TRPC4AP: variants seen among roughly 807,000 people sequenced by gnomAD.
The protein encoded by TRPC4AP is short transient receptor potential channel 4-associated protein.
Under a neutral mutation model 99.0 loss-of-function variants are expected in TRPC4AP, and 45 were observed. The observed-to-expected ratio is 0.45, with a 90% CI of 0.36 to 0.58. TRPC4AP has a LOEUF of 0.58. Among genes scored for constraint, TRPC4AP ranks in the 20% least tolerant of loss-of-function variants. The pLI, the probability that TRPC4AP is intolerant of heterozygous loss-of-function variation, is 0.00. For missense variants in TRPC4AP, 879 were observed against 985.3 expected (o/e 0.89, Z 1.44); for synonymous variants, 408 against 385.8 (o/e 1.06, Z -0.67).
At chr20:35,021,601 G>A (rs1013235270) in intron 8 of TRPC4AP, among the ~76,000 whole-genome samples, 6 of 152,192 alleles carry the variant, frequency 3.9e-5, no homozygotes, top group Admixed American at 2.0e-4. Flanking sequence ...AAAAATATTC[G>A]GACACAGCCA....
chr20:35,035,417 G>A (rs2083295932), intron 7 of TRPC4AP, 109 bp from the exon 8 acceptor site: 1 of 1,163,504 alleles, frequency 8.6e-7, no homozygotes, highest in Non-Finnish European at 1.2e-6. Context: ...TACTCTGATA[G>A]TAGCTAAAGC....
intron 15 of TRPC4AP, among the ~76,000 whole-genome samples, chr20:35,006,113 G>A (rs769742274): frequency 1.3e-5 from 2 of 152,008 alleles, no homozygotes; most frequent in African/African-American, 2.4e-5. Context: ...ACACACACTC[G>A]GTGAGCCTAA....
intron 7 of TRPC4AP, among the ~76,000 whole-genome samples, chr20:35,037,008 AGAT>A (rs1569108393): frequency 1.3e-5 from 2 of 151,756 alleles, no homozygotes; most frequent in African/African-American, 4.8e-5. Context: ...AGTGGCTATA[AGAT>A]GATGTTTGAC....
chr20:35,038,251 C>G (rs1000557283), intron 7 of TRPC4AP, among the ~76,000 whole-genome samples: 5 of 144,462 alleles, frequency 3.5e-5, no homozygotes, highest in African/African-American at 1.3e-4. Context: ...AATAATTACA[C>G]AGAAATAGAT....
chr20:35,030,680 T>C (rs1386661931), intron 8 of TRPC4AP, among the ~76,000 whole-genome samples: 2 of 152,260 alleles, frequency 1.3e-5, no homozygotes, highest in African/African-American at 4.8e-5. Flanking sequence ...GGTGTCATGA[T>C]ACTCCATTAC....
chr20:35,011,964 C>T (rs1217218387), intron 11 of TRPC4AP, among the ~76,000 whole-genome samples: 1 of 152,256 alleles, frequency 6.6e-6, no homozygotes, highest in Non-Finnish European at 1.5e-5. Context: ...GGATGAACAA[C>T]TGTCTCTGTT....
At chr20:35,008,447 C>G (rs913834415) in intron 13 of TRPC4AP, among the ~76,000 whole-genome samples, 1 of 152,200 alleles carries the variant, frequency 6.6e-6, no homozygotes, top group Non-Finnish European at 1.5e-5. Flanking sequence ...AGAACAGGTG[C>G]TTGGTGAATG....
chr20:35,087,480 C>T (rs186749006), intron 1 of TRPC4AP, among the ~76,000 whole-genome samples: 59 of 152,242 alleles, frequency 3.9e-4, no homozygotes, highest in African/African-American at 1.3e-3. Context: ...CCCAGTCTGT[C>T]ACCAGATTGC....
At position 35,053,267 on chromosome 20, in the gene TRPC4AP, C is replaced by T. The variant is rs2083747089; in HGVS notation, c.528+1709G>A. Among the ~76,000 whole-genome samples the T allele has an allele frequency of 2.6e-5, 4 of 152,186 alleles. No individual in the cohort carries two copies. The South Asian group carries it at 8.3e-4, about 32-fold the overall frequency. ...AATATTATAAACTAAGTCACCCTTA[C>T]TGATTTATCTAACACTAGGTCTTAT... On this transcript the variant is annotated intron_variant, in intron 5 of 18. Transcript: ENST00000252015.
At chr20:35,076,460 G>GT (rs1460524597) in intron 2 of TRPC4AP, among the ~76,000 whole-genome samples, 11 of 152,308 alleles carry the variant, frequency 7.2e-5, no homozygotes, top group Middle Eastern at 3.4e-3. Flanking sequence ...TGTCCTTTCT[G>GT]TTTGTTAGTT....
chr20:35,025,973 C>G lies in TRPC4AP; in HGVS notation c.1052-4617G>C, dbSNP rs1213152643. On this transcript the variant is annotated intron_variant, in intron 8 of 18. Coordinates refer to ENST00000252015, the MANE Select transcript of TRPC4AP (RefSeq NM_015638.3). Reference sequence around the variant, plus strand: ...ATATGACATAAGGCAGGGGATCTAACTTCATTCTTTCGCATGTGGACATCA... The same window carrying G: ...ATATGACATAAGGCAGGGGATCTAAGTTCATTCTTTCGCATGTGGACATCA... Among the ~76,000 whole-genome samples, 6 of 152,270 alleles carry G rather than the reference C, an allele frequency of 3.9e-5. No individual in the cohort carries two copies. In the East Asian group the frequency reaches 1.2e-3, roughly 29 times the overall value.
At chr20:35,060,506 G>A (rs541442895) in intron 3 of TRPC4AP, among the ~76,000 whole-genome samples, 12 of 146,472 alleles carry the variant, frequency 8.2e-5, no homozygotes, top group South Asian at 2.1e-4. Flanking sequence ...TAGGAGGCTC[G>A]CTTGAGCCCA....
At chr20:35,091,797 C>A (rs956092082) in intron 1 of TRPC4AP, among the ~76,000 whole-genome samples, 13 of 152,152 alleles carry the variant, frequency 8.5e-5, no homozygotes, top group African/African-American at 2.7e-4. Context: ...ACCAGAAATG[C>A]ACTAATGCTT....
At chr20:35,046,043 C>A (rs1309833103) in intron 6 of TRPC4AP, among the ~76,000 whole-genome samples, 1 of 152,192 alleles carries the variant, frequency 6.6e-6, no homozygotes, top group African/African-American at 2.4e-5. Context: ...AACATTCTTA[C>A]AGGTACTCTC....
At chr20:35,027,637 GC>G in intron 8 of TRPC4AP, among the ~76,000 whole-genome samples, 1 of 152,296 alleles carries the variant, frequency 6.6e-6, no homozygotes, top group Non-Finnish European at 1.5e-5. Context: ...AACCAGTGAA[GC>G]CATGTGGGCC....
At chr20:35,050,379 C>T (rs1323447702) in intron 5 of TRPC4AP, among the ~76,000 whole-genome samples, 1 of 81,244 alleles carries the variant, frequency 1.2e-5, no homozygotes, top group African/African-American at 5.3e-5. Context: ...TCACTTCTCA[C>T]CTTTGGAACT....
At chr20:35,060,585 CAAAA>C (rs35143678) in intron 3 of TRPC4AP, among the ~76,000 whole-genome samples, 3,046 of 70,384 alleles carry the variant, frequency 0.043, 52 homozygotes, top group African/African-American at 0.17. Flanking sequence ...ACCTTGTCTC[CAAAA>C]AAAAAAAAAA....
At chr20:35,016,741 G>A (rs1004671459) in intron 9 of TRPC4AP, among the ~76,000 whole-genome samples, 1 of 152,166 alleles carries the variant, frequency 6.6e-6, no homozygotes. Flanking sequence ...TAAAAATTCT[G>A]TATGGCAAAA....
At chr20:35,003,994 A>G (rs2082457042) in intron 17 of TRPC4AP, among the ~76,000 whole-genome samples, 1 of 152,162 alleles carries the variant, frequency 6.6e-6, no homozygotes, top group African/African-American at 2.4e-5. Flanking sequence ...TCGGTGGGGA[A>G]AGAGTTCTGC....
Sources: gnomAD v4.1 joint callset for allele counts (sites outside exome capture counted in the v4.1 genomes callset) on GRCh38, gnomAD v4.1.1 for gene constraint, MANE v1.5 for transcripts, NCBI Gene and HGNC (gene_info 2026-07-23, HGNC 2026-07-21) for gene names.